Variants in CHD1L observed in about 807,000 individuals in gnomAD.
CHD1L encodes chromodomain helicase DNA binding protein 1 like.
In CHD1L, 118 loss-of-function variants were observed where a neutral mutation model predicts 115.9. The observed-to-expected ratio is 1.02, with a 90% CI of 0.88 to 1.19. The LOEUF (loss-of-function observed/expected upper bound fraction) is 1.19, where lower values mean the gene tolerates loss of function less well. Ranked by LOEUF, CHD1L falls within the 50% of genes most tolerant of loss-of-function variation. The pLI is 0.00. For synonymous variants in CHD1L, 411 were observed against 387.1 expected (o/e 1.06, Z -0.72); for missense variants, 1,179 against 1,065.3 (o/e 1.11, Z -1.49).
In CHD1L at chr1:147,260,593, A is replaced by AAATCTTATTAT. The variant is rs1229108972; in HGVS notation, c.576+679_576+689dup. On this transcript the variant is annotated intron_variant, in intron 6 of 22. Transcript: ENST00000369258. Reference sequence around the variant, plus strand: ...CTTCAAAGGAACAATTTCTCTTAAAAAATCTTATTATAATTCTTCTTTGTG... The same window carrying AAATCTTATTAT: ...CTTCAAAGGAACAATTTCTCTTAAAAAATCTTATTATAATCTTATTATAATTCTTCTTTGTG... 3 of 152,194 alleles carry AAATCTTATTAT rather than the reference A, an allele frequency of 2.0e-5. No homozygotes were observed. In the East Asian group the frequency reaches 5.8e-4, roughly 29 times the overall value. 9.4% of individuals were successfully genotyped at this position (152,194 alleles called of 1,614,324 possible).
At chr1:147,241,026 C>T (rs1272046124), upstream of CHD1L, among the ~76,000 whole-genome samples, 2 of 151,870 alleles carry the variant, frequency 1.3e-5, no homozygotes, top group Non-Finnish European at 2.9e-5. Context: ...TTCCACCCGA[C>T]GAGAAATACC....
chr1:147,286,727 T>G (rs1352477978), intron 18 of CHD1L, among the ~76,000 whole-genome samples: 1 of 152,236 alleles, frequency 6.6e-6, no homozygotes, highest in East Asian at 1.9e-4. Flanking sequence ...CTTATCCATA[T>G]GATGGGACAA....
chr1:147,228,996 A>G, the CHD1L span, among the ~76,000 whole-genome samples: 9 of 152,170 alleles, frequency 5.9e-5, no homozygotes, highest in Non-Finnish European at 2.9e-5. Context: ...TTTGCTGTGC[A>G]GAAGCTCCTT....
chr1:147,244,536 C>T (rs927300373), intron 1 of CHD1L, among the ~76,000 whole-genome samples: 1 of 151,882 alleles, frequency 6.6e-6, no homozygotes, highest in Non-Finnish European at 1.5e-5. Flanking sequence ...GTAAAACATT[C>T]AGGGAAATAG....
intron 19 of CHD1L, among the ~76,000 whole-genome samples, chr1:147,289,158 G>C (rs1335208536): frequency 6.6e-6 from 1 of 152,146 alleles, no homozygotes; most frequent in Non-Finnish European, 1.5e-5. Context: ...TGGGCAGTTG[G>C]CAAAGCAAAA....
the CHD1L span, among the ~76,000 whole-genome samples, chr1:147,180,516 C>G: frequency 1.3e-5 from 2 of 152,218 alleles, no homozygotes; most frequent in East Asian, 3.8e-4. Context: ...TGGTTTCGAT[C>G]TCTTGACCTC....
At chr1:147,231,232 A>T in the CHD1L span, among the ~76,000 whole-genome samples, 61 of 151,878 alleles carry the variant, frequency 4.0e-4, no homozygotes, top group African/African-American at 1.4e-3. Flanking sequence ...GTTTCAAAGA[A>T]CCTCTTTATC....
intron 15 of CHD1L, among the ~76,000 whole-genome samples, chr1:147,283,881 C>A (rs904723679): frequency 6.6e-6 from 1 of 152,128 alleles, no homozygotes; most frequent in African/African-American, 2.4e-5. Flanking sequence ...ATGACGAAGA[C>A]GCTTGATGAG....
At chr1:147,205,256 T>C in the CHD1L span, among the ~76,000 whole-genome samples, 56,665 of 151,972 alleles carry the variant, frequency 0.37, 10,994 homozygotes, top group African/African-American at 0.5. Flanking sequence ...GAAACACAGT[T>C]TCCAAATGTC....
At chr1:147,235,324 T>C in the CHD1L span, among the ~76,000 whole-genome samples, 1 of 152,180 alleles carries the variant, frequency 6.6e-6, no homozygotes, top group Admixed American at 6.5e-5. Context: ...CAAGTGAAGA[T>C]TTTCAGTCCT....
chr1:147,202,818 T>C, the CHD1L span, among the ~76,000 whole-genome samples: 7 of 152,164 alleles, frequency 4.6e-5, no homozygotes, highest in African/African-American at 1.7e-4. Flanking sequence ...TCACCAGCAG[T>C]ACCACCATCC....
the CHD1L span, chr1:147,224,993 C>T: frequency 1.2e-6 from 2 of 1,614,100 alleles, no homozygotes; most frequent in Non-Finnish European, 1.7e-6. Context: ...AGCCCGCTCA[C>T]TCCTCCCCCA....
rs1234172839 is a variant in CHD1L, at chr1:147,252,716, G to A, written c.221G>A (p.Gly74Asp). The A allele has an allele frequency of 2.5e-5, 40 of 1,613,762 alleles. No homozygotes were observed. Among genetic ancestry groups the A allele is most frequent in the Non-Finnish European group, 3.4e-5 (40 of 1,179,912 alleles). Residue 74 changes from glycine to aspartate, a missense_variant, in exon 2 of 23, where the codon GGC (glycine) becomes GAC (aspartate). Coordinates refer to ENST00000369258, the MANE Select transcript of CHD1L (RefSeq NM_004284.6). ...QNGCILGDEMGLGKTCQTIAL... is the reference protein window; with the variant it reads ...QNGCILGDEMDLGKTCQTIAL... ...GGCTGTATCCTGGGAGATGAGATGG[G>A]CCTGGGGAAGACCTGCCAGGTGTGT...
intron 1 of CHD1L, among the ~76,000 whole-genome samples, chr1:147,250,921 C>T (rs1373361567): frequency 6.6e-6 from 1 of 151,956 alleles, no homozygotes; most frequent in African/African-American, 2.4e-5. Context: ...GGGTCAGTTC[C>T]CCCATATTAT....
At chr1:147,273,130 G>A (rs1676923903) in intron 12 of CHD1L, among the ~76,000 whole-genome samples, 1 of 152,152 alleles carries the variant, frequency 6.6e-6, no homozygotes, top group Non-Finnish European at 1.5e-5. Flanking sequence ...TGGAATCCAG[G>A]AGGCGGAGGT....
At chr1:147,261,694 G>A (rs2102496297) in intron 6 of CHD1L, among the ~76,000 whole-genome samples, 1 of 152,144 alleles carries the variant, frequency 6.6e-6, no homozygotes, top group South Asian at 2.1e-4. Flanking sequence ...GCTGGCCCCA[G>A]AGCCTTTTCT....
chr1:147,191,689 A>C, the CHD1L span, among the ~76,000 whole-genome samples: 1 of 151,168 alleles, frequency 6.6e-6, no homozygotes. Flanking sequence ...ATTTTTGTAT[A>C]AGGTGTAAGG....
chr1:147,279,653 T>C (rs1304965293), intron 14 of CHD1L, among the ~76,000 whole-genome samples: 3 of 152,156 alleles, frequency 2.0e-5, no homozygotes, highest in African/African-American at 7.2e-5. Flanking sequence ...GGAAAGTAGC[T>C]AACAGGGTCT....
chr1:147,271,143 A>C (rs1676055787), intron 11 of CHD1L, 138 bp downstream of exon 11: 1 of 718,682 alleles, frequency 1.4e-6, no homozygotes, highest in Non-Finnish European at 2.3e-6. Context: ...CCAAAAAATC[A>C]AAAGGCGAGA....
Sources: allele counts gnomAD v4.1 joint callset (sites outside exome capture counted in the v4.1 genomes callset), GRCh38; gene constraint gnomAD v4.1.1; transcripts MANE v1.5; gene names NCBI Gene and HGNC (gene_info 2026-07-23, HGNC 2026-07-21).